The following ELF1 variants were observed in gnomAD, a reference collection of about 807,000 sequenced individuals.
The protein encoded by ELF1 is ETS-related transcription factor Elf-1.
Under a neutral mutation model 59.9 loss-of-function variants are expected in ELF1, and 24 were observed. That is an observed-to-expected ratio of 0.40 (90% CI 0.29 to 0.56). ELF1 has a LOEUF of 0.56. ELF1 is among the 20% of genes least tolerant of loss of function. The probability of loss-of-function intolerance (pLI) is 0.44; values close to 1 mark genes in which losing one functional copy is unlikely to be tolerated. For missense variants in ELF1, 627 were observed against 742.2 expected, an observed-to-expected ratio of 0.84 and a Z score of 1.80; for synonymous variants, 248 against 266.2, an observed-to-expected ratio of 0.93 and a Z score of 0.67.
intron 1 of ELF1, chr13:40,992,674 C>T (rs1873920746): frequency 1.7e-5 from 3 of 173,306 alleles, no homozygotes; most frequent in South Asian, 3.0e-4. Context: ...AAAATCAATT[C>T]CCAAACTGGG....
exon 1 of ELF1, chr13:41,060,914 TGCCGCCGCC>T (rs60249003): frequency 0.13 from 44,837 of 340,458 alleles, 3,612 homozygotes; most frequent in Non-Finnish European, 0.16. Flanking sequence ...AAGCTGCTGC[TGCCGCCGCC>T]GCCGCCGCCG....
intron 1 of ELF1, among the ~76,000 whole-genome samples, chr13:41,018,187 A>C (rs1404243993): frequency 6.6e-6 from 1 of 152,136 alleles, no homozygotes; most frequent in Non-Finnish European, 1.5e-5. Flanking sequence ...TGCATATTCC[A>C]ATTTTATCTT....
intron 2 of ELF1, among the ~76,000 whole-genome samples, chr13:40,976,261 T>C (rs1213637988): frequency 2.0e-5 from 3 of 152,218 alleles, no homozygotes; most frequent in Non-Finnish European, 2.9e-5. Flanking sequence ...ATGTTTGGAC[T>C]GATAATGAAG....
At chr13:41,018,499 A>G (rs1344092770) in intron 1 of ELF1, among the ~76,000 whole-genome samples, 1 of 152,224 alleles carries the variant, frequency 6.6e-6, no homozygotes, top group Admixed American at 6.5e-5. Flanking sequence ...ACTCAGAACA[A>G]GTTTTCAGTG....
chr13:40,955,141 C>A (rs537948259), intron 3 of ELF1, among the ~76,000 whole-genome samples: 1 of 150,508 alleles, frequency 6.6e-6, no homozygotes, highest in African/African-American at 2.4e-5. Context: ...GCAACCGCCG[C>A]GTCTGAGAAG....
intron 7 of ELF1, among the ~76,000 whole-genome samples, chr13:40,942,093 G>A (rs1042103244): frequency 6.6e-6 from 1 of 152,036 alleles, no homozygotes; most frequent in Non-Finnish European, 1.5e-5. Context: ...ATTTAAATTG[G>A]CAAATGTATC....
At chr13:40,950,082 A>C (rs1870757828) in intron 4 of ELF1, 109 bp from the exon 5 acceptor site, 2 of 1,056,920 alleles carry the variant, frequency 1.9e-6, no homozygotes, top group Admixed American at 5.9e-5. Context: ...AGTAGAAATA[A>C]AATCTTGAAA....
At chr13:41,043,544 C>T (rs771483773) in intron 1 of ELF1, among the ~76,000 whole-genome samples, 2 of 152,176 alleles carry the variant, frequency 1.3e-5, no homozygotes, top group Non-Finnish European at 2.9e-5. Flanking sequence ...TTCCCAGCAC[C>T]ATTTATTAAA....
At chr13:41,021,595 T>C (rs1240307736), upstream of ELF1, among the ~76,000 whole-genome samples, 1 of 152,228 alleles carries the variant, frequency 6.6e-6, no homozygotes, top group South Asian at 2.1e-4. Context: ...CTATGTAATC[T>C]TGGGCAATTA....
intron 1 of ELF1, among the ~76,000 whole-genome samples, chr13:41,031,369 TCA>T (rs1876155210): frequency 6.6e-6 from 1 of 152,168 alleles, no homozygotes; most frequent in South Asian, 2.1e-4. Context: ...CTATGGAATT[TCA>T]GTTTCCTTTT....
chr13:40,970,403 A>G (rs1266864417), intron 2 of ELF1, among the ~76,000 whole-genome samples: 1 of 152,240 alleles, frequency 6.6e-6, no homozygotes. Flanking sequence ...TAAATTCAAG[A>G]TAACATTATA....
At chr13:40,999,273 G>A (rs1874280560) in intron 1 of ELF1, among the ~76,000 whole-genome samples, 2 of 152,058 alleles carry the variant, frequency 1.3e-5, no homozygotes, top group African/African-American at 4.8e-5. Flanking sequence ...TGGTCAAACA[G>A]GTAAAGAAAA....
Position 40,981,725 on chromosome 13 carries a change from T to C in ELF1, c.72+258A>G, listed in dbSNP as rs570313076. 1.4e-4 allele frequency among the ~76,000 whole-genome samples: 21 copies of C among 152,242 alleles called. No homozygotes were observed. The South Asian group carries it at 4.1e-3, about 30-fold the overall frequency. ...ATTACTTAAGGCATTTAGTGTTAAG[T>C]CTCATTTTACAAAAAAACAAGCTGA... On this transcript the variant is annotated intron_variant, in intron 2 of 8. Transcript: ENST00000239882.
chr13:40,992,222 T>A (rs1286640315), intron 1 of ELF1, among the ~76,000 whole-genome samples: 2 of 152,234 alleles, frequency 1.3e-5, no homozygotes, highest in Non-Finnish European at 2.9e-5. Context: ...CAAAGTCGCA[T>A]GAGACAGAAA....
intron 1 of ELF1, among the ~76,000 whole-genome samples, chr13:41,008,545 A>G (rs191992198): frequency 3.3e-4 from 51 of 152,248 alleles, no homozygotes; most frequent in African/African-American, 1.2e-3. Flanking sequence ...TGACTCACGC[A>G]TGATGTTACA....
chr13:41,060,267 A>G (rs751595528), intron 1 of ELF1, among the ~76,000 whole-genome samples: 6 of 152,220 alleles, frequency 3.9e-5, no homozygotes, highest in Non-Finnish European at 7.4e-5. Context: ...GAGAACCACT[A>G]GAGCTACTGG....
intron 2 of ELF1, among the ~76,000 whole-genome samples, chr13:40,978,600 A>G (rs1385641526): frequency 6.6e-6 from 1 of 152,056 alleles, no homozygotes; most frequent in Non-Finnish European, 1.5e-5. Context: ...CTGGGAGAAA[A>G]TGTCAATGAT....
At chr13:41,042,596 A>G (rs1876664337) in intron 1 of ELF1, among the ~76,000 whole-genome samples, 1 of 152,038 alleles carries the variant, frequency 6.6e-6, no homozygotes, top group African/African-American at 2.4e-5. Context: ...GCTGAGAATG[A>G]TGGTTTCCAG....
rs76009339 is a variant in ELF1, at chr13:40,932,714, G to A, written c.*711C>T. The A allele has an allele frequency of 6.6e-6, 1 of 152,102 alleles. No homozygotes were observed. Among genetic ancestry groups the A allele is most frequent in the East Asian group, 1.9e-4 (1 of 5,190 alleles). The allele number at this position is 152,102 out of a possible 1,614,324, so 9.4% of individuals were successfully genotyped here. On this transcript the variant is annotated 3_prime_UTR_variant, in exon 9 of 9. Coordinates refer to ENST00000239882, the MANE Select transcript of ELF1 (RefSeq NM_172373.4). ...ATAGGTATTAGAATTAAAAAAATTA[G>A]AACTAGAAGAGAAAGTGGTGATCAT...
Sources: gnomAD v4.1 joint callset for allele counts (sites outside exome capture counted in the v4.1 genomes callset) on GRCh38, gnomAD v4.1.1 for gene constraint, MANE v1.5 for transcripts, NCBI Gene and HGNC (gene_info 2026-07-23, HGNC 2026-07-21) for gene names.